The following IQCH variants were observed in gnomAD, a reference collection of about 807,000 sequenced individuals.
IQCH encodes the protein IQ motif containing H.
In IQCH, 98 loss-of-function variants were observed where a neutral mutation model predicts 117.0. That is an observed-to-expected ratio of 0.84 (90% CI 0.71 to 0.99). The LOEUF (loss-of-function observed/expected upper bound fraction) is 0.99, where lower values mean the gene tolerates loss of function less well. IQCH is among the 50% of genes least tolerant of loss of function. The probability of loss-of-function intolerance (pLI) is 0.00; values close to 1 mark genes in which losing one functional copy is unlikely to be tolerated. For missense variants in IQCH, 1,102 were observed against 1,243.8 expected, an observed-to-expected ratio of 0.89 and a Z score of 1.72; for synonymous variants, 412 against 448.2, an observed-to-expected ratio of 0.92 and a Z score of 1.02.
chr15:67,430,852 C>T lies in IQCH; in HGVS notation c.2505+9275C>T, dbSNP rs1335920751. ...TTCACATTCTAGTTGGGAAGATAGG[C>T]TTGAAAAATGAGTAGCAAGGAAAGG... On this transcript the variant is annotated intron_variant, in intron 16 of 20. Coordinates refer to ENST00000335894, the MANE Select transcript of IQCH (RefSeq NM_001031715.3). The surrounding 1 kb of genome is among the most constrained non-coding windows in gnomAD (Gnocchi z 5.1). Among the ~76,000 whole-genome samples, 1 of 152,100 alleles carries T rather than the reference C, an allele frequency of 6.6e-6. No individual in the cohort carries two copies. The highest frequency in any genetic ancestry group is 1.5e-5 in the Non-Finnish European group (1 of 68,006).
intron 1 of IQCH, among the ~76,000 whole-genome samples, chr15:67,260,021 G>C (rs1436010113): frequency 6.6e-6 from 1 of 152,222 alleles, no homozygotes; most frequent in Non-Finnish European, 1.5e-5. Flanking sequence ...GTGAACATTT[G>C]AGATTAATCA....
At position 67,296,481 on chromosome 15, in the gene IQCH, G is replaced by C. The variant is rs75274512; in HGVS notation, c.387+16969G>C. Among the ~76,000 whole-genome samples, 98 of 152,208 alleles carry C rather than the reference G, an allele frequency of 6.4e-4. No individual in the cohort carries two copies. In the East Asian group the frequency reaches 0.018, roughly 28 times the overall value. On this transcript the variant is annotated intron_variant, in intron 4 of 20. Coordinates refer to ENST00000335894, the MANE Select transcript of IQCH (RefSeq NM_001031715.3). Reference sequence around the variant, plus strand: ...CGCCACCCTAAGGGAAACTGGTGGAGGATTTTAAAGGTGAGAGACGTATTG... The same window carrying C: ...CGCCACCCTAAGGGAAACTGGTGGACGATTTTAAAGGTGAGAGACGTATTG...
At chr15:67,282,787 C>T (rs1272466956) in intron 4 of IQCH, among the ~76,000 whole-genome samples, 1 of 152,150 alleles carries the variant, frequency 6.6e-6, no homozygotes, top group African/African-American at 2.4e-5. Flanking sequence ...TTTAAGCTCT[C>T]TCTCACCAAA....
At position 67,372,614 on chromosome 15, in the gene IQCH, A is replaced by G. The variant is rs1264558010; in HGVS notation, c.1257A>G (p.Leu419=). Reference sequence around the variant, plus strand: ...ATAAGACTCGACTAAAGAAGATACTAAAGGAATCACGTCAGAGACACCTGG... The same window carrying G: ...ATAAGACTCGACTAAAGAAGATACTGAAGGAATCACGTCAGAGACACCTGG... ...YCHKTRLKKI[L]KESRQRHLEN... Residue 419 remains leucine, a synonymous_variant, in exon 9 of 21, where the codon CTA becomes CTG. Transcript: ENST00000335894. 2 of 1,613,426 alleles carry G rather than the reference A, an allele frequency of 1.2e-6. No homozygotes were observed. The highest frequency in any genetic ancestry group is 2.7e-5 in the African/African-American group (2 of 74,998).
At position 67,254,878 on chromosome 15, in the gene IQCH, G is replaced by C. The variant is rs376484021; in HGVS notation, c.-19G>C. On this transcript the variant is annotated 5_prime_UTR_variant, in exon 1 of 21. Coordinates refer to ENST00000335894, the MANE Select transcript of IQCH (RefSeq NM_001031715.3). ...TGGAAACCGCGCCTCCGCGGAGGTA[G>C]CCGTTCCCTGACCTAGCCATGGCAC... The C allele has an allele frequency of 3.8e-5, 62 of 1,612,528 alleles. No individual in the cohort carries two copies. In the African/African-American group the frequency reaches 7.9e-4, roughly 20 times the overall value.
In IQCH at chr15:67,470,626, A is replaced by G. The variant is rs1312946761; in HGVS notation, c.2677-5070A>G. On this transcript the variant is annotated intron_variant, in intron 17 of 20. Transcript: ENST00000335894. Reference sequence around the variant, plus strand: ...AGCTTGACTATGTTTTTTAAAAAATAAACAGTTCACACACTAAAAATATGC... The same window carrying G: ...AGCTTGACTATGTTTTTTAAAAAATGAACAGTTCACACACTAAAAATATGC... Among the ~76,000 whole-genome samples, 3 of 152,260 alleles carry G rather than the reference A, an allele frequency of 2.0e-5. No individual in the cohort carries two copies. In the East Asian group the frequency reaches 5.8e-4, roughly 29 times the overall value.
Position 67,292,254 on chromosome 15 carries a change from C to A in IQCH, c.387+12742C>A, listed in dbSNP as rs1418839976. Among the ~76,000 whole-genome samples the A allele has an allele frequency of 1.3e-5, 2 of 152,104 alleles. 1 individual carries two copies. Among genetic ancestry groups the A allele is most frequent in the Non-Finnish European group, 2.9e-5 (2 of 67,996 alleles). ...AATGTTGTTGTTGTTTATAAGCCAT[C>A]CAGACTCTTTTTTTGAGACAGGGTA... On this transcript the variant is annotated intron_variant, in intron 4 of 20. Transcript: ENST00000335894.
intron 4 of IQCH, among the ~76,000 whole-genome samples, chr15:67,312,287 T>C (rs1377438859): frequency 6.6e-6 from 1 of 152,100 alleles, no homozygotes; most frequent in Non-Finnish European, 1.5e-5. Context: ...GGTAGAACTG[T>C]ATTTCAGTAT....
chr15:67,319,871 TACAC>T (rs776379119), intron 4 of IQCH, among the ~76,000 whole-genome samples: 3 of 152,260 alleles, frequency 2.0e-5, no homozygotes, highest in African/African-American at 7.2e-5. Flanking sequence ...GATAAACTCT[TACAC>T]ACATACATAC....
chr15:67,353,375 T>A (rs911721125), intron 6 of IQCH, among the ~76,000 whole-genome samples: 11 of 151,724 alleles, frequency 7.3e-5, no homozygotes, highest in South Asian at 6.3e-4. Context: ...TTTTTTTTTT[T>A]TTGAGACAGA....
chr15:67,500,286 G>T lies in IQCH; in HGVS notation c.2971-347G>T, dbSNP rs1373578980. ...ATAAGGAAACTATTTGTTTTGTTTT[G>T]ATTTTATCTGACTATCATGGATCAA... is the stretch of plus-strand genomic sequence containing the variant. On this transcript the variant is annotated intron_variant, in intron 20 of 20. Coordinates refer to ENST00000335894, the MANE Select transcript of IQCH (RefSeq NM_001031715.3). This position sits in a 1 kb window ranked among gnomAD's most constrained non-coding sequence, Gnocchi z 4.4. 2.0e-5 allele frequency among the ~76,000 whole-genome samples: 3 copies of T among 151,950 alleles called. No homozygotes were observed. Among genetic ancestry groups the T allele is most frequent in the Non-Finnish European group, 4.4e-5 (3 of 67,974 alleles).
intron 13 of IQCH, among the ~76,000 whole-genome samples, chr15:67,397,598 C>T (rs1971512688): frequency 6.6e-6 from 1 of 152,196 alleles, no homozygotes; most frequent in Non-Finnish European, 1.5e-5. Flanking sequence ...ATCAATAACA[C>T]TGACTTTTTA....
chr15:67,450,917 T>C (rs1416429974), intron 16 of IQCH, among the ~76,000 whole-genome samples: 1 of 152,244 alleles, frequency 6.6e-6, no homozygotes, highest in African/African-American at 2.4e-5. Context: ...TATTGGTCTA[T>C]TCAGAGATTC....
At position 67,447,774 on chromosome 15, in the gene IQCH, C is replaced by G. The variant is rs1238936497; in HGVS notation, c.2506-17353C>G. Among the ~76,000 whole-genome samples the G allele has an allele frequency of 6.6e-6, 1 of 152,170 alleles. No homozygotes were observed. The highest frequency in any genetic ancestry group is 1.5e-5 in the Non-Finnish European group (1 of 68,022). On this transcript the variant is annotated intron_variant, in intron 16 of 20. Coordinates refer to ENST00000335894, the MANE Select transcript of IQCH (RefSeq NM_001031715.3). The surrounding 1 kb of genome is among the most constrained non-coding windows in gnomAD (Gnocchi z 5.3). ...TGTCCAGTCCCTCTCAGTCCAGGAG[C>G]TGATACAAAGTAAAAGCCTGCTGTG...
chr15:67,401,130 C>T lies in IQCH; in HGVS notation c.2097+825C>T, dbSNP rs1280823312. On this transcript the variant is annotated intron_variant, in intron 14 of 20. Transcript: ENST00000335894. This position sits in a 1 kb window ranked among gnomAD's most constrained non-coding sequence, Gnocchi z 4.7. ...GAGATGCTGAGAAAATAGTACATTC[C>T]AGCCAGAAAATCTCCCAGCAAAAGC... is the stretch of plus-strand genomic sequence containing the variant. Among the ~76,000 whole-genome samples the T allele has an allele frequency of 4.6e-5, 7 of 152,142 alleles. No individual in the cohort carries two copies. The highest frequency in any genetic ancestry group is 1.7e-4 in the African/African-American group (7 of 41,428).
rs3743349 is a variant in IQCH at position 67,359,759 on chromosome 15, G to T, written c.715-88G>T. On this transcript the variant is annotated intron_variant, in intron 7 of 20. Coordinates refer to ENST00000335894, the MANE Select transcript of IQCH (RefSeq NM_001031715.3). This position sits in a 1 kb window ranked among gnomAD's most constrained non-coding sequence, Gnocchi z 4.5. The stretch of plus-strand genomic sequence containing the variant: ...TGGCCCAGCGGGTAAAATGGGGAAG[G>T]GGGTGAGGCTCTGAGCCTTCTATTT... 60 of 1,130,986 alleles carry T rather than the reference G, an allele frequency of 5.3e-5. No homozygotes were observed. Among genetic ancestry groups the T allele is most frequent in the Non-Finnish European group, 6.5e-5 (48 of 741,530 alleles). The allele number at this position is 1,130,986 out of a possible 1,614,324, so 70.1% of individuals were successfully genotyped here. A position where few individuals can be genotyped will look rare whatever the true frequency, so the allele number is the denominator to read the frequency against.
In IQCH at chr15:67,384,871, C is replaced by T; in HGVS notation, c.1373-65C>T. On this transcript the variant is annotated intron_variant, in intron 10 of 20. Coordinates refer to ENST00000335894, the MANE Select transcript of IQCH (RefSeq NM_001031715.3). This position sits in a 1 kb window ranked among gnomAD's most constrained non-coding sequence, Gnocchi z 4.3. Reference sequence around the variant, plus strand: ...ATATGGACTGTGACATTTTGAAATTCTCTTGTGCCATTTTGCTATATCGAC... The same window carrying T: ...ATATGGACTGTGACATTTTGAAATTTTCTTGTGCCATTTTGCTATATCGAC... The T allele has an allele frequency of 9.7e-7, 1 of 1,027,652 alleles. No individual in the cohort carries two copies. Among genetic ancestry groups the T allele is most frequent in the African/African-American group, 1.6e-5 (1 of 62,940 alleles). The allele number at this position is 1,027,652 out of a possible 1,614,324, so 63.7% of individuals were successfully genotyped here.
intron 6 of IQCH, among the ~76,000 whole-genome samples, chr15:67,357,106 A>G (rs1187837124): frequency 6.6e-6 from 1 of 152,212 alleles, no homozygotes; most frequent in Admixed American, 6.5e-5. Flanking sequence ...TTATCTAGGC[A>G]GTTTGCATAA....
chr15:67,493,044 G>T lies in IQCH; in HGVS notation c.2862-1214G>T, dbSNP rs534291041. On this transcript the variant is annotated intron_variant, in intron 19 of 20. Transcript: ENST00000335894. The surrounding 1 kb of genome is among the most constrained non-coding windows in gnomAD (Gnocchi z 5.1). ...GACCTGCAGGCTAGTTTCAATGGCA[G>T]AAATAGTCCTATTGGTGTACCTTCT... is the stretch of plus-strand genomic sequence containing the variant. Among the ~76,000 whole-genome samples the T allele has an allele frequency of 2.0e-5, 3 of 152,296 alleles. No homozygotes were observed. The highest frequency in any genetic ancestry group is 7.2e-5 in the African/African-American group (3 of 41,564).
Sources: allele counts gnomAD v4.1 joint callset (sites outside exome capture counted in the v4.1 genomes callset), GRCh38; gene constraint gnomAD v4.1.1; non-coding constraint Gnocchi (gnomAD v3.1); transcripts MANE v1.5; gene names NCBI Gene and HGNC (gene_info 2026-07-23, HGNC 2026-07-21).